Variants in BNC2 observed in about 807,000 individuals in gnomAD.
The protein encoded by BNC2 is zinc finger protein basonuclin-2.
BNC2 carries 20 observed loss-of-function variants against 76.3 expected under a neutral mutation model. The ratio of observed to expected loss-of-function variants is 0.26; its 90% confidence interval spans 0.18 to 0.38. The LOEUF is 0.38. Among genes scored for constraint, BNC2 ranks in the 10% least tolerant of loss-of-function variants. The pLI is 1.00. For synonymous variants in BNC2, 582 were observed against 514.8 expected, an observed-to-expected ratio of 1.13 and a Z score of -1.77; for missense variants, 1,382 against 1,399.8, an observed-to-expected ratio of 0.99 and a Z score of 0.20.
intron 5 of BNC2, among the ~76,000 whole-genome samples, chr9:16,501,108 T>A (rs1192048154): frequency 1.8e-5 from 2 of 111,078 alleles, no homozygotes; most frequent in Non-Finnish European, 3.7e-5. Flanking sequence ...AAGTTAGTAA[T>A]CATACTTACT....
At chr9:16,856,730 C>G (rs892694414) in intron 1 of BNC2, among the ~76,000 whole-genome samples, 1 of 152,146 alleles carries the variant, frequency 6.6e-6, no homozygotes, top group Non-Finnish European at 1.5e-5. Context: ...CTATCAAAAG[C>G]CAATTCAGCC....
chr9:16,780,257 C>CAAA (rs1212395782), intron 1 of BNC2, among the ~76,000 whole-genome samples: 203 of 78,704 alleles, frequency 2.6e-3, no homozygotes, highest in South Asian at 4.3e-3. Flanking sequence ...AAAAAAAAAA[C>CAAA]AAAAAAAAAC....
intron 3 of BNC2, among the ~76,000 whole-genome samples, chr9:16,706,027 C>G (rs1337398): frequency 0.89 from 135,424 of 152,260 alleles, 60,680 homozygotes; most frequent in Non-Finnish European, 0.95. Flanking sequence ...AACTGACAAG[C>G]AACTATTTTA....
chr9:16,837,478 T>TGGGCGACAGTGCGAGACTCCATCCC (rs1818733940), intron 1 of BNC2, among the ~76,000 whole-genome samples: 2 of 152,284 alleles, frequency 1.3e-5, no homozygotes, highest in Admixed American at 1.3e-4. Flanking sequence ...CACTCCAGCC[T>TGGGCGACAGTGCGAGACTCCATCCC]GGGCGACAGT....
At chr9:16,629,421 T>A (rs1479628562) in intron 3 of BNC2, among the ~76,000 whole-genome samples, 1 of 152,204 alleles carries the variant, frequency 6.6e-6, no homozygotes, top group Non-Finnish European at 1.5e-5. Flanking sequence ...CTTCCTAAAA[T>A]TCACTCTTTC....
At chr9:16,450,614 C>A (rs897886972) in intron 5 of BNC2, among the ~76,000 whole-genome samples, 7 of 152,196 alleles carry the variant, frequency 4.6e-5, no homozygotes, top group African/African-American at 1.7e-4. Context: ...TTATGACAGC[C>A]ACAGGTTTGT....
intron 3 of BNC2, among the ~76,000 whole-genome samples, chr9:16,594,889 A>G (rs1820023922): frequency 6.6e-6 from 1 of 152,116 alleles, no homozygotes. Flanking sequence ...ATTTCCTCAG[A>G]TATGTTTTCA....
chr9:16,447,557 A>T (rs913966486), intron 5 of BNC2, among the ~76,000 whole-genome samples: 1 of 152,086 alleles, frequency 6.6e-6, no homozygotes, highest in African/African-American at 2.4e-5. Context: ...GTATTATCGT[A>T]TATTCTGGAT....
At chr9:16,731,045 G>C (rs902043155) in intron 2 of BNC2, among the ~76,000 whole-genome samples, 8 of 152,260 alleles carry the variant, frequency 5.3e-5, no homozygotes, top group Admixed American at 3.9e-4. Flanking sequence ...ATACTGTGTA[G>C]AACATTTGAC....
intron 5 of BNC2, among the ~76,000 whole-genome samples, chr9:16,496,036 G>A (rs746307949): frequency 3.3e-5 from 5 of 151,280 alleles, no homozygotes; most frequent in Admixed American, 6.6e-5. Context: ...AGCCTCTCAA[G>A]TAGCTGGGAT....
Position 16,413,188 on chromosome 9 carries a change from GAT to G in BNC2, c.*5799_*5800del, listed in dbSNP as rs1820511424. ...TGGTCTTCATATCCTATATAAAAAAGATTTTTTTTTTTCCTGCAGTAAAGGTC... is the reference window on the plus strand; with the variant it reads ...TGGTCTTCATATCCTATATAAAAAAGTTTTTTTTTTCCTGCAGTAAAGGTC... On this transcript the variant is annotated 3_prime_UTR_variant, in exon 7 of 7. Coordinates refer to ENST00000380672, the MANE Select transcript of BNC2 (RefSeq NM_017637.6). The G allele has an allele frequency of 2.4e-5, 3 of 125,642 alleles. No individual in the cohort carries two copies. The highest frequency in any genetic ancestry group is 1.7e-4 in the Admixed American group (2 of 11,954). 7.8% of individuals were successfully genotyped at this position (125,642 alleles called of 1,614,324 possible).
chr9:16,514,150 C>A (rs551861908), intron 5 of BNC2, among the ~76,000 whole-genome samples: 1 of 152,298 alleles, frequency 6.6e-6, no homozygotes, highest in Non-Finnish European at 1.5e-5. Context: ...CAGTGAAGCA[C>A]CACCAGCCAG....
intron 4 of BNC2, among the ~76,000 whole-genome samples, chr9:16,561,719 T>C (rs1010846720): frequency 6.6e-6 from 1 of 152,182 alleles, no homozygotes; most frequent in Non-Finnish European, 1.5e-5. Flanking sequence ...AAAGAATTAA[T>C]AGGCCAGCTG....
intron 3 of BNC2, among the ~76,000 whole-genome samples, chr9:16,667,001 A>G (rs1217032206): frequency 6.6e-6 from 1 of 152,096 alleles, no homozygotes; most frequent in East Asian, 1.9e-4. Flanking sequence ...TAAAACCAAT[A>G]AAGAACACTG....
intron 5 of BNC2, among the ~76,000 whole-genome samples, chr9:16,441,215 G>A (rs1193116381): frequency 2.0e-5 from 3 of 152,134 alleles, no homozygotes; most frequent in African/African-American, 7.2e-5. Flanking sequence ...GAGGTGGAAG[G>A]ACTGCTTGAA....
chr9:16,745,644 T>C (rs1427270751), intron 1 of BNC2, among the ~76,000 whole-genome samples: 1 of 152,200 alleles, frequency 6.6e-6, no homozygotes, highest in Non-Finnish European at 1.5e-5. Flanking sequence ...CATTCACACA[T>C]AAATGAAAGT....
intron 1 of BNC2, among the ~76,000 whole-genome samples, chr9:16,865,392 CA>C (rs1381510556): frequency 1.3e-5 from 2 of 152,054 alleles, no homozygotes; most frequent in Non-Finnish European, 2.9e-5. Context: ...TAATTTGTTA[CA>C]AATACAACCA....
intron 3 of BNC2, among the ~76,000 whole-genome samples, chr9:16,621,174 T>C (rs1042961835): frequency 1.3e-5 from 2 of 152,212 alleles, no homozygotes; most frequent in Middle Eastern, 3.2e-3. Context: ...TTTATGGCTA[T>C]CTTGAGGATC....
intron 1 of BNC2, among the ~76,000 whole-genome samples, chr9:16,828,815 G>A (rs1312892365): frequency 2.0e-5 from 3 of 152,308 alleles, no homozygotes; most frequent in African/African-American, 4.8e-5. Context: ...CATAACAACC[G>A]CTGAAATGAT....
Sources: gnomAD v4.1 joint callset for allele counts (sites outside exome capture counted in the v4.1 genomes callset) on GRCh38, gnomAD v4.1.1 for gene constraint, MANE v1.5 for transcripts, NCBI Gene and HGNC (gene_info 2026-07-23, HGNC 2026-07-21) for gene names.